The following VPS13C variants were observed in gnomAD, a reference collection of about 807,000 sequenced individuals.
The protein encoded by VPS13C is intermembrane lipid transfer protein VPS13C.
A neutral mutation model predicts 456.8 loss-of-function variants in VPS13C; 358 were observed. That is an observed-to-expected ratio of 0.78 (90% CI 0.72 to 0.86). The LOEUF (loss-of-function observed/expected upper bound fraction) is 0.86. Ranked by LOEUF, VPS13C falls within the 40% of genes least tolerant of loss-of-function variation. The pLI is 0.00. For missense variants in VPS13C, 4,818 were observed against 4,385.4 expected, an observed-to-expected ratio of 1.10 and a Z score of -2.79; for synonymous variants, 1,578 against 1,486.7, an observed-to-expected ratio of 1.06 and a Z score of -1.41.
At chr15:61,960,958 A>G (rs2045177263) in intron 35 of VPS13C, among the ~76,000 whole-genome samples, 1 of 151,628 alleles carries the variant, frequency 6.6e-6, no homozygotes, top group Non-Finnish European at 1.5e-5. Context: ...GCACGTGCCT[A>G]TAGTCCCAGT....
In VPS13C at chr15:61,973,376, T is replaced by C. The variant is rs896160299; in HGVS notation, c.2617+78A>G. The C allele has an allele frequency of 2.4e-6, 3 of 1,235,874 alleles. No individual in the cohort carries two copies. The Admixed American group carries it at 5.5e-5, about 23-fold the overall frequency. The allele number at this position is 1,235,874 out of a possible 1,614,324, so 76.6% of individuals were successfully genotyped here. ...TACTACAGCACTTTCAGACTGCCCT[T>C]ATTTTCTGAAAATGTTATCTCTGTA... is the stretch of plus-strand genomic sequence containing the variant. On this transcript the variant is annotated intron_variant, in intron 26 of 84. Transcript: ENST00000644861.
chr15:61,874,829 C>T, intron 77 of VPS13C, 47 bp downstream of exon 77: 1 of 1,466,784 alleles, frequency 6.8e-7, no homozygotes. Flanking sequence ...TATTTCATAA[C>T]AATATAATAA....
intron 31 of VPS13C, 80 bp from the exon 32 acceptor site, chr15:61,964,031 G>A (rs1331557881): frequency 1.2e-6 from 1 of 809,632 alleles, no homozygotes; most frequent in Non-Finnish European, 1.9e-6. Flanking sequence ...GCTATATTAA[G>A]TGAACCACTG....
chr15:61,873,647 T>C (rs1895196143), intron 77 of VPS13C, among the ~76,000 whole-genome samples: 2 of 151,854 alleles, frequency 1.3e-5, no homozygotes, highest in African/African-American at 2.4e-5. Context: ...AGAATAGTTA[T>C]TATAAAAAAG....
At chr15:62,012,906 T>G in intron 11 of VPS13C, 133 bp downstream of exon 11, 1 of 531,208 alleles carries the variant, frequency 1.9e-6, no homozygotes, top group East Asian at 3.3e-5. Flanking sequence ...AAAGGATGTT[T>G]TTCATATTTC....
At chr15:62,016,334 C>T (rs1269495724) in intron 9 of VPS13C, among the ~76,000 whole-genome samples, 2 of 151,828 alleles carry the variant, frequency 1.3e-5, no homozygotes, top group African/African-American at 2.4e-5. Context: ...AGATTAGTTA[C>T]GTATGTATAC....
At chr15:61,992,509 T>C (rs527966470) in intron 16 of VPS13C, among the ~76,000 whole-genome samples, 2 of 152,298 alleles carry the variant, frequency 1.3e-5, no homozygotes, top group South Asian at 4.1e-4. Flanking sequence ...GGTAACATAT[T>C]GTAAGCCTCT....
intron 81 of VPS13C, chr15:61,865,745 T>C: frequency 1.7e-6 from 1 of 587,928 alleles, no homozygotes; most frequent in Non-Finnish European, 2.1e-6. Flanking sequence ...TATGTATATC[T>C]GTATGTGTAC....
At chr15:61,877,288 C>T (rs1895493664) in intron 74 of VPS13C, among the ~76,000 whole-genome samples, 1 of 151,806 alleles carries the variant, frequency 6.6e-6, no homozygotes, top group African/African-American at 2.4e-5. Flanking sequence ...AACCATCATC[C>T]CATCACATAG....
At chr15:62,037,267 T>TTATATATAAATA (rs1567136523) in intron 3 of VPS13C, among the ~76,000 whole-genome samples, 3 of 21,724 alleles carry the variant, frequency 1.4e-4, no homozygotes, top group South Asian at 1.7e-3. Flanking sequence ...ATATATTATA[T>TTATATATAAATA]TATATAATAT....
chr15:61,919,703 T>C (rs1346782293), intron 57 of VPS13C, among the ~76,000 whole-genome samples: 4 of 151,466 alleles, frequency 2.6e-5, no homozygotes, highest in African/African-American at 9.7e-5. Flanking sequence ...CTCTCAATCA[T>C]ATAGCAACAA....
intron 82 of VPS13C, 48 bp from the exon 83 acceptor site, chr15:61,856,457 T>C: frequency 2.5e-6 from 4 of 1,604,040 alleles, no homozygotes; most frequent in Non-Finnish European, 3.4e-6. Flanking sequence ...ATGAAGACAG[T>C]TTATTCTTGC....
intron 66 of VPS13C, among the ~76,000 whole-genome samples, chr15:61,894,469 T>C (rs1225602143): frequency 6.6e-6 from 1 of 152,058 alleles, no homozygotes; most frequent in African/African-American, 2.4e-5. Flanking sequence ...CCCAACTATA[T>C]GTTGTCTACC....
chr15:61,884,357 T>C, intron 67 of VPS13C, 88 bp from the exon 68 acceptor site: 1 of 1,372,006 alleles, frequency 7.3e-7, no homozygotes, highest in South Asian at 1.4e-5. Flanking sequence ...GTAACTATTA[T>C]TTTCCTATGA....
chr15:62,040,409 T>C (rs1020489589), intron 3 of VPS13C, among the ~76,000 whole-genome samples: 2 of 152,276 alleles, frequency 1.3e-5, no homozygotes, highest in Admixed American at 6.5e-5. Context: ...GAAACCTCAT[T>C]TACCCCGATG....
At chr15:61,932,521 G>C (rs2044095582) in intron 49 of VPS13C, among the ~76,000 whole-genome samples, 1 of 149,578 alleles carries the variant, frequency 6.7e-6, no homozygotes, top group Non-Finnish European at 1.5e-5. Flanking sequence ...AGTATGTCCA[G>C]ATTTAAAAAA....
intron 35 of VPS13C, among the ~76,000 whole-genome samples, chr15:61,960,273 T>C (rs1455299341): frequency 6.6e-6 from 1 of 152,082 alleles, no homozygotes; most frequent in Non-Finnish European, 1.5e-5. Flanking sequence ...ACAGTAGTAG[T>C]CATGTAGTCA....
At position 61,856,355 on chromosome 15, in the gene VPS13C, C is replaced by A; in HGVS notation, c.11007G>T (p.Trp3669Cys). 1.2e-6 allele frequency: 2 copies of A among 1,613,178 alleles called. No homozygotes were observed. Among genetic ancestry groups the A allele is most frequent in the Non-Finnish European group, 1.7e-6 (2 of 1,179,542 alleles). ...ATACAAAATCTTCAAATGGACATTG[C>A]CAGTCTACACACATAAGGCCCAGGA... ...VEILGLMCVD[W>C]QCPFEDFVFP... The change falls in exon 83 of 85, where the codon TGG (tryptophan) becomes TGT (cysteine). Residue 3669 changes from tryptophan (W) to cysteine (C), a missense_variant. Trp to Cys is a radical substitution (Grantham distance 215). Coordinates refer to ENST00000644861, the MANE Select transcript of VPS13C (RefSeq NM_020821.3).
chr15:61,950,567 A>AC, intron 40 of VPS13C, 150 bp from the exon 41 acceptor site: 1 of 657,876 alleles, frequency 1.5e-6, no homozygotes, highest in South Asian at 2.0e-5. Flanking sequence ...AAAAAAAAAA[A>AC]CAAAAACAAA....
Sources: allele counts gnomAD v4.1 joint callset (sites outside exome capture counted in the v4.1 genomes callset), GRCh38; gene constraint gnomAD v4.1.1; transcripts MANE v1.5; gene names NCBI Gene and HGNC (gene_info 2026-07-23, HGNC 2026-07-21).